EHD3: variants seen among roughly 807,000 people sequenced by gnomAD.
EHD3 encodes the protein EH domain-containing protein 3.
In EHD3, 17 loss-of-function variants were observed where a neutral mutation model predicts 43.0. The ratio of observed to expected loss-of-function variants is 0.40; its 90% CI spans 0.27 to 0.59. EHD3 has a LOEUF of 0.59. Among genes scored for constraint, EHD3 ranks in the 20% least tolerant of loss-of-function variants. EHD3 has a pLI of 0.49. For synonymous variants in EHD3, 313 were observed against 289.5 expected (o/e 1.08, Z -0.82); for missense variants, 594 against 705.6 (o/e 0.84, Z 1.79).
rs566923114 is a variant in EHD3, at chr2:31,268,855, A to T, written c.*2151A>T. The T allele has an allele frequency of 6.6e-6, 1 of 152,270 alleles. No homozygotes were observed. Among genetic ancestry groups the T allele is most frequent in the African/African-American group, 2.4e-5 (1 of 41,548 alleles). The allele number at this position is 152,270 out of a possible 1,614,324, so 9.4% of individuals were successfully genotyped here. A position where few individuals can be genotyped will look rare whatever the true frequency, so the allele number is the denominator to read the frequency against. On this transcript the variant is annotated 3_prime_UTR_variant, in exon 6 of 6. Transcript: ENST00000322054. ...TCTTTTTATTTTATAGGAAAGGGAGATGTCTGTTATCCCCTTTCTTCACTG... is the reference window on the plus strand; with the variant it reads ...TCTTTTTATTTTATAGGAAAGGGAGTTGTCTGTTATCCCCTTTCTTCACTG...
intron 1 of EHD3, among the ~76,000 whole-genome samples, chr2:31,237,298 T>C (rs1479283923): frequency 2.0e-5 from 3 of 151,542 alleles, no homozygotes; most frequent in Non-Finnish European, 4.4e-5. Flanking sequence ...AATATATTTA[T>C]ATATAAAGCA....
intron 5 of EHD3, among the ~76,000 whole-genome samples, chr2:31,263,500 G>C (rs986604772): frequency 6.6e-6 from 1 of 152,134 alleles, no homozygotes; most frequent in Non-Finnish European, 1.5e-5. Context: ...TTGATACTGG[G>C]ACCCCTGCAT....
At position 31,234,415 on chromosome 2, in the gene EHD3, C is replaced by G. The variant is rs1683283378; in HGVS notation, c.-207C>G. The G allele has an allele frequency of 1.7e-6, 1 of 589,334 alleles. No individual in the cohort carries two copies. The highest frequency in any genetic ancestry group is 1.9e-5 in the African/African-American group (1 of 52,812). 36.5% of individuals were successfully genotyped at this position (589,334 alleles called of 1,614,324 possible). ...TCCCTCCGGCCTGGGCTGCTGGATG[C>G]AGCAGCGGCTGGGCTTGGTCCCAGG... On this transcript the variant is annotated 5_prime_UTR_variant, in exon 1 of 6. Transcript: ENST00000322054.
At position 31,266,157 on chromosome 2, in the gene EHD3, C is replaced by A; in HGVS notation, c.1081-20C>A. 6.3e-7 allele frequency: 1 copy of A among 1,593,164 alleles called. No individual in the cohort carries two copies. Among genetic ancestry groups the A allele is most frequent in the South Asian group, 1.1e-5 (1 of 88,380 alleles). On this transcript the variant is annotated intron_variant, in intron 5 of 5. Transcript: ENST00000322054. The surrounding 1 kb of genome is among the most constrained non-coding windows in gnomAD (Gnocchi z 5.1). ...CCTTTCATCGTATCCTATCTTCATC[C>A]TCTCTCCTCCTCTTCCCAGGACCAG...
At position 31,261,611 on chromosome 2, in the gene EHD3, C is replaced by T; in HGVS notation, c.978C>T (p.Asn326=). 1.2e-6 allele frequency: 2 copies of T among 1,614,212 alleles called. No homozygotes were observed. Among genetic ancestry groups the T allele is most frequent in the Middle Eastern group, 1.6e-4 (1 of 6,062 alleles). Residue 326 remains asparagine, a synonymous_variant, in exon 5 of 6, where the codon AAC becomes AAT. Coordinates refer to ENST00000322054, the MANE Select transcript of EHD3 (RefSeq NM_014600.3). ...KEMPSVFGKD[N]KKKELVNNLA... ...TGCCCTCGGTGTTCGGGAAGGACAA[C>T]AAGAAGAAGGAGCTGGTCAACAACC... is the stretch of plus-strand genomic sequence containing the variant.
chr2:31,234,975 CTGTG>C (rs1683296750), intron 1 of EHD3, 127 bp downstream of exon 1: 1 of 895,374 alleles, frequency 1.1e-6, no homozygotes, highest in African/African-American at 1.7e-5. Flanking sequence ...CTGAAGAGAT[CTGTG>C]TTTGTGCAGG....
At chr2:31,264,976 C>CT (rs1458407407) in intron 5 of EHD3, among the ~76,000 whole-genome samples, 3 of 151,856 alleles carry the variant, frequency 2.0e-5, no homozygotes, top group African/African-American at 7.3e-5. Flanking sequence ...TTTGTGTGTG[C>CT]TAAAAACTAA....
In EHD3 at chr2:31,257,595, G is replaced by A. The variant is rs1050813069; in HGVS notation, c.503-2915G>A. On this transcript the variant is annotated intron_variant, in intron 3 of 5. Coordinates refer to ENST00000322054, the MANE Select transcript of EHD3 (RefSeq NM_014600.3). ...CCTGGAAGTGAGAACGATACTCCTC[G>A]CGCTGCCTGCCTCAGAGCGTGTCGT... Among the ~76,000 whole-genome samples the A allele has an allele frequency of 5.3e-5, 8 of 152,132 alleles. No homozygotes were observed. The South Asian group carries it at 6.2e-4, about 12-fold the overall frequency.
At chr2:31,244,685 CAAT>C (rs1426592121) in intron 2 of EHD3, among the ~76,000 whole-genome samples, 2 of 152,148 alleles carry the variant, frequency 1.3e-5, no homozygotes, top group Admixed American at 6.5e-5. Context: ...AAGGATACAA[CAAT>C]GACTCAGGTC....
Position 31,266,377 on chromosome 2 carries a change from G to C in EHD3, c.1281G>C (p.Gly427=). 6.2e-7 allele frequency: 1 copy of C among 1,614,164 alleles called. No homozygotes were observed. Among genetic ancestry groups the C allele is most frequent in the South Asian group, 1.1e-5 (1 of 91,086 alleles). Residue 427 remains glycine (G), a synonymous_variant, in exon 6 of 6, where the codon GGG becomes GGC. Coordinates refer to ENST00000322054, the MANE Select transcript of EHD3 (RefSeq NM_014600.3). The surrounding 1 kb of genome is among the most constrained non-coding windows in gnomAD (Gnocchi z 5.1). ...TLHGPFGHGY[G]EGAGEGIDDA... is the part of the protein sequence containing the mutation. ...ACGGCCCCTTTGGGCATGGCTATGG[G>C]GAGGGGGCTGGAGAAGGTATCGATG...
intron 2 of EHD3, among the ~76,000 whole-genome samples, chr2:31,245,083 C>T (rs1344877077): frequency 1.3e-5 from 2 of 152,152 alleles, no homozygotes; most frequent in Non-Finnish European, 2.9e-5. Context: ...CAGGCTGATC[C>T]CCTGCTCACA....
In EHD3 at chr2:31,267,851, C is replaced by T. The variant is rs905390793; in HGVS notation, c.*1147C>T. 2.6e-5 allele frequency: 4 copies of T among 152,236 alleles called. No individual in the cohort carries two copies. Among genetic ancestry groups the T allele is most frequent in the African/African-American group, 4.8e-5 (2 of 41,466 alleles). The allele number at this position is 152,236 out of a possible 1,614,324, so 9.4% of individuals were successfully genotyped here. On this transcript the variant is annotated 3_prime_UTR_variant, in exon 6 of 6. Transcript: ENST00000322054. ...GGAGGGCCGGCCAGCATTTGGTGGC[C>T]CATCAGTCTGGCCATCTGTCACGTC...
chr2:31,257,055 GC>G (rs1262463728), intron 3 of EHD3, among the ~76,000 whole-genome samples: 6 of 152,242 alleles, frequency 3.9e-5, no homozygotes, highest in Non-Finnish European at 8.8e-5. Flanking sequence ...CCTCCCAGCA[GC>G]CCCTCCTGTG....
At chr2:31,261,515 G>T (rs764381293) in intron 4 of EHD3, 34 bp from the exon 5 acceptor site, 2 of 1,612,836 alleles carry the variant, frequency 1.2e-6, no homozygotes, top group South Asian at 2.2e-5. Flanking sequence ...CCAGGGTCTT[G>T]ATGTGAAGGC....
chr2:31,235,335 C>G (rs1310691266), intron 1 of EHD3, among the ~76,000 whole-genome samples: 2 of 152,076 alleles, frequency 1.3e-5, no homozygotes, highest in African/African-American at 4.8e-5. Context: ...GGCCTGGGAA[C>G]GGAGGTGGCC....
rs1161162168 is a variant in EHD3, at chr2:31,267,863, C to T, written c.*1159C>T. 3 of 152,248 alleles carry T rather than the reference C, an allele frequency of 2.0e-5. No homozygotes were observed. Among genetic ancestry groups the T allele is most frequent in the Non-Finnish European group, 4.4e-5 (3 of 68,048 alleles). The allele number at this position is 152,248 out of a possible 1,614,324, so 9.4% of individuals were successfully genotyped here. ...AGCATTTGGTGGCCCATCAGTCTGG[C>T]CATCTGTCACGTCACAGAAGCAAAC... On this transcript the variant is annotated 3_prime_UTR_variant, in exon 6 of 6. Coordinates refer to ENST00000322054, the MANE Select transcript of EHD3 (RefSeq NM_014600.3).
intron 1 of EHD3, among the ~76,000 whole-genome samples, chr2:31,237,621 T>G (rs765548980): frequency 3.3e-5 from 5 of 152,154 alleles, no homozygotes; most frequent in Non-Finnish European, 5.9e-5. Context: ...GGCAGACTGG[T>G]CTTGAACTCC....
intron 3 of EHD3, among the ~76,000 whole-genome samples, chr2:31,257,819 G>A (rs1006999802): frequency 6.6e-6 from 1 of 152,062 alleles, no homozygotes; most frequent in Non-Finnish European, 1.5e-5. Flanking sequence ...CACTTTCCTG[G>A]GCCTTGTCTC....
rs768091636 is a variant in EHD3, at chr2:31,234,822, C to T, written c.201C>T (p.Tyr67=). The change falls in exon 1 of 6, where the codon TAC becomes TAT. Residue 67 remains tyrosine, a synonymous_variant. Coordinates refer to ENST00000322054, the MANE Select transcript of EHD3 (RefSeq NM_014600.3). The part of the protein sequence containing the change: ...NKPMVLLVGQ[Y]STGKTTFIRY... ...CCATGGTTCTGCTGGTGGGCCAGTA[C>T]TCCACTGGGAAGACCACCTTCATCA... 9.9e-6 allele frequency: 16 copies of T among 1,614,046 alleles called. No individual in the cohort carries two copies. The highest frequency in any genetic ancestry group is 8.9e-5 in the East Asian group (4 of 44,874).
Sources: gnomAD v4.1 joint callset for allele counts (sites outside exome capture counted in the v4.1 genomes callset) on GRCh38, gnomAD v4.1.1 for gene constraint, Gnocchi (gnomAD v3.1) non-coding constraint, MANE v1.5 for transcripts, NCBI Gene and HGNC (gene_info 2026-07-23, HGNC 2026-07-21) for gene names.